The following TNIK variants were observed in gnomAD, a reference collection of about 807,000 sequenced individuals.
TNIK encodes the protein TRAF2 and NCK-interacting protein kinase.
Under a neutral mutation model 191.3 loss-of-function variants are expected in TNIK, and 49 were observed. That is an observed-to-expected ratio of 0.26 (90% confidence interval 0.20 to 0.32). TNIK has a LOEUF of 0.32. TNIK is among the 10% of genes least tolerant of loss of function. The pLI, the probability that TNIK is intolerant of heterozygous loss-of-function variation, is 1.00. For missense variants in TNIK, 1,155 were observed against 1,702.3 expected (o/e 0.68, Z 5.66); for synonymous variants, 594 against 600.9 (o/e 0.99, Z 0.17).
At chr3:171,300,498 A>G (rs1752764646) in intron 2 of TNIK, among the ~76,000 whole-genome samples, 1 of 152,182 alleles carries the variant, frequency 6.6e-6, no homozygotes, top group South Asian at 2.1e-4. Flanking sequence ...AGACCTACAA[A>G]TATGCTGTTT....
chr3:171,268,370 C>T (rs1748653894), intron 2 of TNIK, among the ~76,000 whole-genome samples: 1 of 152,054 alleles, frequency 6.6e-6, no homozygotes, highest in Non-Finnish European at 1.5e-5. Flanking sequence ...CTGCCTTCAG[C>T]CAGAATCCTG....
In TNIK at chr3:171,087,378, G is replaced by A. The variant is rs1239909958; in HGVS notation, c.2850C>T (p.Val950=). 1 of 1,613,926 alleles carries A rather than the reference G, an allele frequency of 6.2e-7. No homozygotes were observed. The highest frequency in any genetic ancestry group is 1.7e-5 in the Admixed American group (1 of 60,018). The change falls in exon 24 of 33, where the codon GTC becomes GTT. Residue 950 remains valine (V), a synonymous_variant. Transcript: ENST00000436636. ...AGTCCATCTCCTGGGAATGGGTTGA[G>A]ACGCGCCCCAGTCCCTCAGTCGGGG... is the stretch of plus-strand genomic sequence containing the variant. ...AGTPTEGLGR[V]STHSQEMDSG...
rs1303223035 is a variant in TNIK, at chr3:171,060,434, G to A, written c.*3447C>T. 6.6e-6 allele frequency among the ~76,000 whole-genome samples: 1 copy of A among 152,136 alleles called. No individual in the cohort carries two copies. The highest frequency in any genetic ancestry group is 1.5e-5 in the Non-Finnish European group (1 of 68,014). ...GTACTTGATGCAAAGTATATTAGGA[G>A]TGCACCCTAGAAAACAATGTCAAAG... On this transcript the variant is annotated 3_prime_UTR_variant, in exon 33 of 33. Coordinates refer to ENST00000436636, the MANE Select transcript of TNIK (RefSeq NM_015028.4).
At position 171,079,551 on chromosome 3, in the gene TNIK, C is replaced by T. The variant is rs1720407808; in HGVS notation, c.3415G>A (p.Gly1139Arg). The change falls in exon 28 of 33, where the codon GGG (glycine) becomes AGG (arginine). Residue 1139 changes from glycine (G) to arginine (R), a missense_variant. Physicochemically the swap from Gly to Arg is moderately radical, Grantham distance 125. This residue lies in a region of TNIK where 195 missense variants were observed against 415.4 expected (regional missense o/e 0.47). Transcript: ENST00000436636. ...TAATGTATACAGCCTTCCAAGTCCCCAACAGTGATCCAGCCTTGTTTCTTT... is the reference window on the plus strand; with the variant it reads ...TAATGTATACAGCCTTCCAAGTCCCTAACAGTGATCCAGCCTTGTTTCTTT... ...VEKKQGWITVGDLEGCIHYKV... is the reference protein window; with the variant it reads ...VEKKQGWITVRDLEGCIHYKV... 1 of 1,613,700 alleles carries T rather than the reference C, an allele frequency of 6.2e-7. No homozygotes were observed. Among genetic ancestry groups the T allele is most frequent in the African/African-American group, 1.3e-5 (1 of 75,024 alleles).
intron 7 of TNIK, among the ~76,000 whole-genome samples, chr3:171,186,226 A>T (rs976443769): frequency 6.6e-6 from 1 of 152,230 alleles, no homozygotes; most frequent in Non-Finnish European, 1.5e-5. Flanking sequence ...CTGAACAGAA[A>T]AGGGGATGAT....
chr3:171,212,119 A>G (rs1242477887), intron 3 of TNIK, among the ~76,000 whole-genome samples: 1 of 152,132 alleles, frequency 6.6e-6, no homozygotes, highest in Non-Finnish European at 1.5e-5. Context: ...ACTGTCCCTG[A>G]GTGCAAGATG....
intron 19 of TNIK, among the ~76,000 whole-genome samples, chr3:171,108,807 G>A (rs1394854142): frequency 1.3e-5 from 2 of 152,132 alleles, no homozygotes; most frequent in African/African-American, 4.8e-5. Context: ...GGCAAGAAGG[G>A]GGTTGTTATA....
intron 12 of TNIK, 61 bp from the exon 13 acceptor site, chr3:171,140,570 G>A: frequency 6.6e-7 from 1 of 1,514,818 alleles, no homozygotes. Context: ...GTGTCAGGGA[G>A]CCAGCAGGAA....
At chr3:171,379,744 C>T (rs9861787) in intron 1 of TNIK, among the ~76,000 whole-genome samples, 59,398 of 152,122 alleles carry the variant, frequency 0.39, 13,414 homozygotes, top group East Asian at 0.9. Context: ...GACACAGTGG[C>T]TCACGCCTGT....
At chr3:171,137,108 CTTTTTTTT>C (rs71176593) in intron 15 of TNIK, among the ~76,000 whole-genome samples, 23,894 of 104,728 alleles carry the variant, frequency 0.23, 2,419 homozygotes, top group Non-Finnish European at 0.29. Flanking sequence ...TTTAAAAATC[CTTTTTTTT>C]TTTTTTTTTT....
At chr3:171,267,042 C>G (rs935921037) in intron 2 of TNIK, among the ~76,000 whole-genome samples, 3 of 152,194 alleles carry the variant, frequency 2.0e-5, no homozygotes, top group African/African-American at 4.8e-5. Context: ...TGATAAGAAA[C>G]TGGCACAGAT....
intron 15 of TNIK, 146 bp downstream of exon 15, chr3:171,138,045 T>C: frequency 1.6e-6 from 1 of 629,184 alleles, no homozygotes; most frequent in Non-Finnish European, 2.3e-6. Context: ...GAAATAATGT[T>C]ATAGTTCTTG....
chr3:171,455,249 T>C (rs1728656144), intron 1 of TNIK, among the ~76,000 whole-genome samples: 1 of 152,066 alleles, frequency 6.6e-6, no homozygotes, highest in Non-Finnish European at 1.5e-5. Flanking sequence ...TTCCTTCTTT[T>C]CTTAGTCTTC....
At chr3:171,333,829 C>T (rs912519733) in intron 2 of TNIK, among the ~76,000 whole-genome samples, 1 of 152,184 alleles carries the variant, frequency 6.6e-6, no homozygotes, top group Non-Finnish European at 1.5e-5. Flanking sequence ...CTCAGTTACT[C>T]GACAGATACA....
intron 1 of TNIK, among the ~76,000 whole-genome samples, chr3:171,411,219 C>A (rs1722373498): frequency 6.6e-6 from 1 of 152,040 alleles, no homozygotes; most frequent in Non-Finnish European, 1.5e-5. Flanking sequence ...AGGCATATAC[C>A]ATCATGCCTG....
rs558392948 is a variant in TNIK at position 171,425,020 on chromosome 3, G to A, written c.57+34987C>T. Among the ~76,000 whole-genome samples, 6 of 151,348 alleles carry A rather than the reference G, an allele frequency of 4.0e-5. No individual in the cohort carries two copies. The South Asian group carries it at 1.2e-3, about 31-fold the overall frequency. ...ACTGGGCACATGTTACTAAATAGAG[G>A]GAATGACTACAATCACCCAAATCAT... On this transcript the variant is annotated intron_variant, in intron 1 of 32. Coordinates refer to ENST00000436636, the MANE Select transcript of TNIK (RefSeq NM_015028.4).
intron 18 of TNIK, among the ~76,000 whole-genome samples, chr3:171,114,748 TAAG>T (rs1457103190): frequency 6.6e-6 from 1 of 152,194 alleles, no homozygotes; most frequent in African/African-American, 2.4e-5. Context: ...TTGGTAAACT[TAAG>T]AAAAACTTCC....
chr3:171,151,662 G>A (rs1384040075), intron 12 of TNIK, among the ~76,000 whole-genome samples: 1 of 152,170 alleles, frequency 6.6e-6, no homozygotes, highest in Non-Finnish European at 1.5e-5. Flanking sequence ...AGAAAGCTGG[G>A]ATTTGACCCC....
chr3:171,239,440 A>G (rs1245345118), intron 2 of TNIK, among the ~76,000 whole-genome samples: 2 of 152,274 alleles, frequency 1.3e-5, no homozygotes, highest in Non-Finnish European at 2.9e-5. Context: ...ATTCTATATC[A>G]CTGACACCAT....
Sources: allele counts gnomAD v4.1 joint callset (sites outside exome capture counted in the v4.1 genomes callset), GRCh38; gene constraint gnomAD v4.1.1; regional missense constraint gnomAD v4.1.1; transcripts MANE v1.5; gene names NCBI Gene and HGNC (gene_info 2026-07-23, HGNC 2026-07-21).